The following NSUN7 variants were observed in gnomAD, a reference collection of about 807,000 sequenced individuals.
The protein encoded by NSUN7 is NOP2/Sun RNA methyltransferase family member 7.
In NSUN7, 39 loss-of-function variants were observed where a neutral mutation model predicts 58.5. The observed-to-expected ratio is 0.67, with a 90% CI of 0.52 to 0.87. The LOEUF (loss-of-function observed/expected upper bound fraction) is 0.87. Ranked by LOEUF, NSUN7 falls within the 40% of genes least tolerant of loss-of-function variation. The pLI is 0.00. For synonymous variants in NSUN7, 278 were observed against 303.7 expected, an observed-to-expected ratio of 0.92 and a Z score of 0.88; for missense variants, 765 against 844.1, an observed-to-expected ratio of 0.91 and a Z score of 1.16.
chr4:40,750,560 T>G, intron 1 of NSUN7, 43 bp from the exon 2 acceptor site: 1 of 1,058,494 alleles, frequency 9.4e-7, no homozygotes, highest in Non-Finnish European at 1.3e-6. Flanking sequence ...ACAGGGGTGC[T>G]GCAGAAAGAG....
rs535137442 is a variant in NSUN7 at position 40,757,493 on chromosome 4, A to G, written c.299-2941A>G. 2.0e-3 allele frequency among the ~76,000 whole-genome samples: 296 copies of G among 149,808 alleles called. 3 individuals are homozygous for G. Among genetic ancestry groups the G allele is most frequent in the African/African-American group, 6.6e-3 (269 of 41,048 alleles). The stretch of plus-strand genomic sequence containing the variant: ...AAGGCAAGGAGCATCTGTATAAAGT[A>G]TACAGTTATTCATGTTGATATTACT... On this transcript the variant is annotated intron_variant, in intron 2 of 11. Coordinates refer to ENST00000381782, the MANE Select transcript of NSUN7 (RefSeq NM_024677.6).
chr4:40,771,899 A>G (rs1742030378), intron 4 of NSUN7, among the ~76,000 whole-genome samples: 1 of 151,900 alleles, frequency 6.6e-6, no homozygotes, highest in Non-Finnish European at 1.5e-5. Context: ...GGGAAAGGCT[A>G]CTTTGCTACC....
intron 4 of NSUN7, among the ~76,000 whole-genome samples, chr4:40,769,523 T>C (rs1741897515): frequency 6.6e-6 from 1 of 152,210 alleles, no homozygotes; most frequent in South Asian, 2.1e-4. Flanking sequence ...ACAGCAGTCT[T>C]GCTGAGTTAA....
intron 4 of NSUN7, among the ~76,000 whole-genome samples, chr4:40,766,462 T>A (rs1042860416): frequency 2.0e-5 from 3 of 151,996 alleles, no homozygotes; most frequent in African/African-American, 7.2e-5. Flanking sequence ...AGCTTTTTGA[T>A]GTGCTGCTGG....
At chr4:40,757,634 G>GTGTGTATATATATACAT (rs1186230013) in intron 2 of NSUN7, among the ~76,000 whole-genome samples, 7 of 141,106 alleles carry the variant, frequency 5.0e-5, no homozygotes, top group African/African-American at 1.6e-4. Flanking sequence ...TATATACATT[G>GTGTGTATATATATACAT]TGTGTATATA....
chr4:40,789,954 A>C (rs1378616530), intron 7 of NSUN7, among the ~76,000 whole-genome samples: 2 of 152,144 alleles, frequency 1.3e-5, no homozygotes, highest in African/African-American at 4.8e-5. Context: ...AGACTCTCTT[A>C]AGCTAAGTCA....
Position 40,774,886 on chromosome 4 carries a change from C to T in NSUN7, c.761C>T (p.Pro254Leu), listed in dbSNP as rs1010236754. 7.4e-7 allele frequency: 1 copy of T among 1,342,458 alleles called. No homozygotes were observed. Among genetic ancestry groups the T allele is most frequent in the Admixed American group, 1.7e-5 (1 of 58,970 alleles). The allele number at this position is 1,342,458 out of a possible 1,614,324, so 83.2% of individuals were successfully genotyped here. ...CATTGCTATGATGTCTTAATTTTTC[C>T]ATCTCATCTTAAAAATGATCTTATA... Reference protein sequence around the residue: ...DQHCYDVLIFPSHLKNDLINI... With the variant: ...DQHCYDVLIFLSHLKNDLINI... The change falls in exon 6 of 12, where the codon CCA (proline) becomes CTA (leucine). Residue 254 changes from proline to leucine, a missense_variant. Coordinates refer to ENST00000381782, the MANE Select transcript of NSUN7 (RefSeq NM_024677.6).
In NSUN7 at chr4:40,799,090, T is replaced by TTTG. The variant is rs1218640065; in HGVS notation, c.1400+188_1400+189insGTT. ...GCCTTTTTCTTTTTTTTTTTTTTTT[T>TTTG]TTTTTTTTTTTTAAAGATGGAATCT... On this transcript the variant is annotated intron_variant, in intron 10 of 11. Transcript: ENST00000381782. 9.1e-4 allele frequency among the ~76,000 whole-genome samples: 129 copies of TTTG among 141,316 alleles called. 5 individuals carry two copies. The highest frequency in any genetic ancestry group is 3.2e-3 in the African/African-American group (121 of 37,724). The allele number at this position is 141,316 out of a possible 152,430, so 92.7% of individuals were successfully genotyped here. A position where few individuals can be genotyped will look rare whatever the true frequency, so the allele number is the denominator to read the frequency against.
At chr4:40,759,780 C>T (rs991000849) in intron 2 of NSUN7, among the ~76,000 whole-genome samples, 1 of 152,224 alleles carries the variant, frequency 6.6e-6, no homozygotes, top group African/African-American at 2.4e-5. Flanking sequence ...GTGGCTCATG[C>T]TTGTAATCCC....
At chr4:40,797,804 C>T (rs542833627) in intron 9 of NSUN7, among the ~76,000 whole-genome samples, 89 of 152,280 alleles carry the variant, frequency 5.8e-4, no homozygotes, top group African/African-American at 2.0e-3. Context: ...TAAGCCCTTC[C>T]GGTGGCCCAC....
intron 2 of NSUN7, among the ~76,000 whole-genome samples, chr4:40,751,857 A>T (rs913935593): frequency 6.6e-6 from 1 of 152,186 alleles, no homozygotes; most frequent in Non-Finnish European, 1.5e-5. Context: ...TTAGCCCAGT[A>T]TGGTGGCACA....
chr4:40,802,621 A>G (rs1743634693), intron 10 of NSUN7, among the ~76,000 whole-genome samples: 1 of 74,864 alleles, frequency 1.3e-5, no homozygotes, highest in African/African-American at 5.9e-5. Flanking sequence ...TAGCAACTAC[A>G]TGGATGTGTA....
At chr4:40,785,254 A>C (rs1324487809) in intron 7 of NSUN7, among the ~76,000 whole-genome samples, 1 of 151,580 alleles carries the variant, frequency 6.6e-6, no homozygotes, top group East Asian at 1.9e-4. Flanking sequence ...CAGGGATTAC[A>C]GGGATGAGTC....
At position 40,776,173 on chromosome 4, in the gene NSUN7, A is replaced by ATT. The variant is rs1440198204; in HGVS notation, c.951_952insTT (p.Thr318LeufsTer19). 1 of 1,612,434 alleles carries ATT rather than the reference A, an allele frequency of 6.2e-7. No homozygotes were observed. Among genetic ancestry groups the ATT allele is most frequent in the African/African-American group, 1.3e-5 (1 of 74,920 alleles). On this transcript the variant is annotated frameshift_variant, in exon 7 of 12. Transcript: ENST00000381782. LOFTEE classifies it high-confidence loss of function. ...CACATGTCAATTTTAACAAATAATAATACCTCAAAAGTATTTGTGTGTGGA... is the reference window on the plus strand; with the variant it reads ...CACATGTCAATTTTAACAAATAATAATTTACCTCAAAAGTATTTGTGTGTGGA...
chr4:40,750,609 T>C lies in NSUN7; in HGVS notation c.-85T>C. ...TCACCTTCTCTCTTCACAGAGACCATGCTGCAGATGCGAGGAAAGCCGTTT... is the reference window on the plus strand; with the variant it reads ...TCACCTTCTCTCTTCACAGAGACCACGCTGCAGATGCGAGGAAAGCCGTTT... On this transcript the variant is annotated 5_prime_UTR_variant, in exon 2 of 12. An upstream start codon of the reference 5' UTR is lost. Coordinates refer to ENST00000381782, the MANE Select transcript of NSUN7 (RefSeq NM_024677.6). The C allele has an allele frequency of 6.8e-7, 1 of 1,471,956 alleles. No homozygotes were observed. The highest frequency in any genetic ancestry group is 9.3e-7 in the Non-Finnish European group (1 of 1,074,318). The allele number at this position is 1,471,956 out of a possible 1,614,324, so 91.2% of individuals were successfully genotyped here. A position where few individuals can be genotyped will look rare whatever the true frequency, so the allele number is the denominator to read the frequency against.
chr4:40,806,932 T>A, intron 10 of NSUN7, 129 bp from the exon 11 acceptor site: 2 of 907,060 alleles, frequency 2.2e-6, no homozygotes, highest in Non-Finnish European at 3.3e-6. Context: ...AGAATTGTGT[T>A]CTTGATTGGA....
At position 40,809,710 on chromosome 4, in the gene NSUN7, G is replaced by A. The variant is rs1306997074; in HGVS notation, c.*771G>A. 6.9e-6 allele frequency: 1 copy of A among 145,324 alleles called. No individual in the cohort carries two copies. Among genetic ancestry groups the A allele is most frequent in the Non-Finnish European group, 1.6e-5 (1 of 63,476 alleles). 9.0% of individuals were successfully genotyped at this position (145,324 alleles called of 1,614,324 possible). ...CTGTTGAATGCAAGCGATACCTATT[G>A]TTGAAGAAACCCACAAATTTCTGAT... On this transcript the variant is annotated 3_prime_UTR_variant, in exon 12 of 12. Transcript: ENST00000381782.
chr4:40,795,930 A>G (rs1038053039), intron 9 of NSUN7, among the ~76,000 whole-genome samples: 5 of 152,200 alleles, frequency 3.3e-5, no homozygotes, highest in Non-Finnish European at 2.9e-5. Context: ...TGCTTACTTT[A>G]TATGTATCAT....
chr4:40,766,827 A>G (rs1346485720), intron 4 of NSUN7, among the ~76,000 whole-genome samples: 66 of 151,010 alleles, frequency 4.4e-4, no homozygotes, highest in Middle Eastern at 3.5e-3. Context: ...GTATGTGTCG[A>G]GGAATTTATC....
Sources: allele counts gnomAD v4.1 joint callset (sites outside exome capture counted in the v4.1 genomes callset), GRCh38; gene constraint gnomAD v4.1.1; transcripts MANE v1.5; gene names NCBI Gene and HGNC (gene_info 2026-07-23, HGNC 2026-07-21).